The following DUOXA2 variants were observed in gnomAD, a reference collection of about 807,000 sequenced individuals.
DUOXA2 encodes the protein dual oxidase maturation factor 2.
DUOXA2 carries 22 observed loss-of-function variants against 27.6 expected under a neutral mutation model. That is an observed-to-expected ratio of 0.80 (90% CI 0.57 to 1.14). The LOEUF (loss-of-function observed/expected upper bound fraction) is 1.14, where lower values mean the gene tolerates loss of function less well. Among genes scored for constraint, DUOXA2 ranks in the 50% most tolerant of loss-of-function variants. The probability of loss-of-function intolerance (pLI) is 0.00; values close to 1 mark genes in which losing one functional copy is unlikely to be tolerated. For synonymous variants in DUOXA2, 188 were observed against 184.4 expected, an observed-to-expected ratio of 1.02 and a Z score of -0.16; for missense variants, 481 against 419.9, an observed-to-expected ratio of 1.15 and a Z score of -1.27.
rs1379033846 is a variant in DUOXA2, at chr15:45,118,200, G to C, written c.*291G>C. ...CTGGAGACAGCCTAGTACACTCTCC[G>C]CAGTGCTGTGAAACCTGATTCTCTG... On this transcript the variant is annotated 3_prime_UTR_variant, in exon 6 of 6. Coordinates refer to ENST00000323030, the MANE Select transcript of DUOXA2 (RefSeq NM_207581.4). 6.3e-6 allele frequency: 9 copies of C among 1,424,412 alleles called. No individual in the cohort carries two copies. Among genetic ancestry groups the C allele is most frequent in the Non-Finnish European group, 8.2e-6 (9 of 1,095,102 alleles). 88.2% of individuals were successfully genotyped at this position (1,424,412 alleles called of 1,614,324 possible).
intron 3 of DUOXA2, 56 bp downstream of exon 3, chr15:45,116,314 A>T (rs1206277230): frequency 6.2e-7 from 1 of 1,608,276 alleles, no homozygotes; most frequent in Non-Finnish European, 8.5e-7. Context: ...CGGTTAGGTG[A>T]GTGTGTCAGG....
At position 45,118,160 on chromosome 15, in the gene DUOXA2, A is replaced by T. The variant is rs920524101; in HGVS notation, c.*251A>T. ...CTCCGCGCCGGGGTCGCACGTCCTC[A>T]TGAGCTTCGCTGGGCTGGAGACAGC... On this transcript the variant is annotated 3_prime_UTR_variant, in exon 6 of 6. Transcript: ENST00000323030. 4 of 1,437,580 alleles carry T rather than the reference A, an allele frequency of 2.8e-6. No individual in the cohort carries two copies. The highest frequency in any genetic ancestry group is 5.6e-5 in the Admixed American group (2 of 35,780). 89.1% of individuals were successfully genotyped at this position (1,437,580 alleles called of 1,614,324 possible).
intron 1 of DUOXA2, among the ~76,000 whole-genome samples, chr15:45,115,065 C>T (rs1235460287): frequency 1.3e-5 from 2 of 152,168 alleles, no homozygotes; most frequent in Admixed American, 6.5e-5. Context: ...CCCACCTCTC[C>T]CAGGACTAAA....
rs771345227 is a variant in DUOXA2, at chr15:45,117,808, G to C, written c.862G>C (p.Asp288His). ...LRTLLDQSAK[D>H]CSQERGGSPL... ...CACCCTTCTGGACCAAAGCGCCAAG[G>C]ACTGCAGCCAGGAGAGAGGGGGCTC... Residue 288 changes from aspartate (D) to histidine (H), a missense_variant, in exon 6 of 6, where the codon GAC becomes CAC. Physicochemically the swap from Asp to His is moderately conservative, Grantham distance 81. Transcript: ENST00000323030. 2 of 1,613,834 alleles carry C rather than the reference G, an allele frequency of 1.2e-6. No individual in the cohort carries two copies. Among genetic ancestry groups the C allele is most frequent in the African/African-American group, 1.3e-5 (1 of 74,934 alleles).
chr15:45,115,473 C>T (rs1379814002), intron 1 of DUOXA2: 4 of 549,876 alleles, frequency 7.3e-6, no homozygotes, highest in Non-Finnish European at 1.0e-5. Flanking sequence ...CTGAGCCTCA[C>T]CAAGCAGTGA....
Position 45,116,866 on chromosome 15 carries a change from C to T in DUOXA2, c.554+137C>T. 23 of 1,078,912 alleles carry T rather than the reference C, an allele frequency of 2.1e-5. No individual in the cohort carries two copies. In the South Asian group the frequency reaches 3.4e-4, roughly 16 times the overall value. 66.8% of individuals were successfully genotyped at this position (1,078,912 alleles called of 1,614,324 possible). On this transcript the variant is annotated intron_variant, in intron 4 of 5. Transcript: ENST00000323030. ...GCGCTCGGGGTGGGCATGACAGCCT[C>T]GCGGGTTAGAAGATCCACGAGATCT...
At chr15:45,116,087 C>T in intron 2 of DUOXA2, 37 bp from the exon 3 acceptor site, 2 of 1,609,846 alleles carry the variant, frequency 1.2e-6, no homozygotes, top group Non-Finnish European at 1.7e-6. Context: ...CATTTTCCCA[C>T]CCTCATCCCA....
chr15:45,116,406 G>A (rs1259076405), intron 3 of DUOXA2, 110 bp from the exon 4 acceptor site: 3 of 1,556,282 alleles, frequency 1.9e-6, no homozygotes, highest in Admixed American at 3.4e-5. Context: ...AACCACCACC[G>A]AACCCATTTC....
At chr15:45,115,702 G>T in intron 1 of DUOXA2, 97 bp from the exon 2 acceptor site, 2 of 1,424,008 alleles carry the variant, frequency 1.4e-6, no homozygotes, top group Non-Finnish European at 2.0e-6. Flanking sequence ...CAAAAGTCTG[G>T]ATATAACTAA....
At chr15:45,117,536 G>A (rs1894722743) in intron 5 of DUOXA2, 180 bp from the exon 6 acceptor site, 1 of 1,563,444 alleles carries the variant, frequency 6.4e-7, no homozygotes, top group South Asian at 1.2e-5. Flanking sequence ...GTGTGTGGCG[G>A]GAGGTAACAC....
rs1189127147 is a variant in DUOXA2, at chr15:45,117,005, G to C, written c.555-86G>C. 17 of 1,466,802 alleles carry C rather than the reference G, an allele frequency of 1.2e-5. No homozygotes were observed. The South Asian group carries it at 1.3e-4, about 11-fold the overall frequency. 90.9% of individuals were successfully genotyped at this position (1,466,802 alleles called of 1,614,324 possible). On this transcript the variant is annotated intron_variant, in intron 4 of 5. Coordinates refer to ENST00000323030, the MANE Select transcript of DUOXA2 (RefSeq NM_207581.4). ...TCCCAGTCCCTGGCTTTGACGCTGG[G>C]GTAGGGATAAAGAAGAGCGCAGCTG...
At position 45,114,752 on chromosome 15, in the gene DUOXA2, G is replaced by A. The variant is rs771420822; in HGVS notation, c.147G>A (p.Ser49=). 1.9e-6 allele frequency: 3 copies of A among 1,614,188 alleles called. No homozygotes were observed. The highest frequency in any genetic ancestry group is 1.7e-5 in the Admixed American group (1 of 60,038). ...TCTTGCCGGGGATCCGTGGCCACTC[G>A]GTAAGGGTGTCCTCATAGTGCAGGT... is the stretch of plus-strand genomic sequence containing the variant. The part of the protein sequence containing the change: ...LLILPGIRGH[S]RWFWLVRVLL... The change falls in exon 1 of 6, where the codon TCG becomes TCA. Residue 49 remains serine (S), a splice_region_variant and synonymous_variant. Transcript: ENST00000323030.
At chr15:45,116,830 C>A in intron 4 of DUOXA2, 101 bp downstream of exon 4, 2 of 1,390,350 alleles carry the variant, frequency 1.4e-6, no homozygotes, top group Non-Finnish European at 9.9e-7. Flanking sequence ...GCAGCTGCAG[C>A]CAGACCCGAC....
At position 45,118,095 on chromosome 15, in the gene DUOXA2, G is replaced by GT; in HGVS notation, c.*192dup. ...CTGTAAATAAACCTTTTTTTCTTTT[G>GT]TTTTTTAAAAACTGTTTTTCCCATT... On this transcript the variant is annotated 3_prime_UTR_variant, in exon 6 of 6. Transcript: ENST00000323030. 2.0e-6 allele frequency: 3 copies of GT among 1,510,220 alleles called. No individual in the cohort carries two copies. Among genetic ancestry groups the GT allele is most frequent in the Non-Finnish European group, 2.6e-6 (3 of 1,133,254 alleles). The allele number at this position is 1,510,220 out of a possible 1,614,324, so 93.6% of individuals were successfully genotyped here. A position where few individuals can be genotyped will look rare whatever the true frequency, so the allele number is the denominator to read the frequency against.
rs762894733 is a variant in DUOXA2 at position 45,117,701 on chromosome 15, T to TC, written c.770-11dup. On this transcript the variant is annotated splice_polypyrimidine_tract_variant and intron_variant, in intron 5 of 5. Coordinates refer to ENST00000323030, the MANE Select transcript of DUOXA2 (RefSeq NM_207581.4). ...CTCCACATGCCCTCCTTTCTTTCGA[T>TC]CCCCACCGCCACAGGCGTCCTGTGC... is the stretch of plus-strand genomic sequence containing the variant. The TC allele has an allele frequency of 6.2e-6, 10 of 1,612,710 alleles. No homozygotes were observed. Among genetic ancestry groups the TC allele is most frequent in the Non-Finnish European group, 8.5e-6 (10 of 1,179,080 alleles).
At position 45,114,733 on chromosome 15, in the gene DUOXA2, C is replaced by A; in HGVS notation, c.128C>A (p.Pro43Gln). The A allele has an allele frequency of 1.2e-6, 2 of 1,614,164 alleles. No homozygotes were observed. The highest frequency in any genetic ancestry group is 1.1e-5 in the South Asian group (1 of 91,072). Residue 43 changes from proline to glutamine, a missense_variant, in exon 1 of 6, where the codon CCG (proline) becomes CAG (glutamine). Transcript: ENST00000323030. ...ALAASFLLIL[P>Q]GIRGHSRWFW... is the part of the protein sequence containing the mutation. ...GCAGCAAGCTTCCTGCTCATCTTGC[C>A]GGGGATCCGTGGCCACTCGGTAAGG...
At chr15:45,117,439 G>A in intron 5 of DUOXA2, 134 bp downstream of exon 5, 1 of 1,531,502 alleles carries the variant, frequency 6.5e-7, no homozygotes, top group Non-Finnish European at 8.8e-7. Context: ...GCAGAAACAG[G>A]CACTGTTATG....
At position 45,117,246 on chromosome 15, in the gene DUOXA2, T is replaced by G; in HGVS notation, c.710T>G (p.Leu237Arg). 1 of 1,610,354 alleles carries G rather than the reference T, an allele frequency of 6.2e-7. No homozygotes were observed. Among genetic ancestry groups the G allele is most frequent in the Non-Finnish European group, 8.5e-7 (1 of 1,179,252 alleles). Reference sequence around the variant, plus strand: ...AGCGTGCCGCTCTGCCCGCTCCGCCTAGGCTCCTCCGCGCTCACCACTCAG... The same window carrying G: ...AGCGTGCCGCTCTGCCCGCTCCGCCGAGGCTCCTCCGCGCTCACCACTCAG... ...ISSVPLCPLR[L>R]GSSALTTQYG... is the part of the protein sequence containing the mutation. The change falls in exon 5 of 6, where the codon CTA becomes CGA. Residue 237 changes from leucine to arginine, a missense_variant. Physicochemically the swap from Leu to Arg is moderately radical, Grantham distance 102 (BLOSUM62 -2). Coordinates refer to ENST00000323030, the MANE Select transcript of DUOXA2 (RefSeq NM_207581.4).
Position 45,117,808 on chromosome 15 carries a change from G to A in DUOXA2, c.862G>A (p.Asp288Asn). 3.1e-6 allele frequency: 5 copies of A among 1,613,952 alleles called. No homozygotes were observed. The highest frequency in any genetic ancestry group is 3.4e-6 in the Non-Finnish European group (4 of 1,180,054). ...LRTLLDQSAK[D>N]CSQERGGSPL... ...CACCCTTCTGGACCAAAGCGCCAAG[G>A]ACTGCAGCCAGGAGAGAGGGGGCTC... Residue 288 changes from aspartate to asparagine, a missense_variant, in exon 6 of 6, where the codon GAC (aspartate) becomes AAC (asparagine). By Grantham distance (23) the Asp-to-Asn change is conservative. Coordinates refer to ENST00000323030, the MANE Select transcript of DUOXA2 (RefSeq NM_207581.4).
Sources: gnomAD v4.1 joint callset for allele counts (sites outside exome capture counted in the v4.1 genomes callset) on GRCh38, gnomAD v4.1.1 for gene constraint, MANE v1.5 for transcripts, NCBI Gene and HGNC (gene_info 2026-07-23, HGNC 2026-07-21) for gene names.